The following CSMD1 variants were observed in gnomAD, a reference collection of about 807,000 sequenced individuals.
CSMD1 encodes CUB and sushi domain-containing protein 1.
A neutral mutation model predicts 417.5 loss-of-function variants in CSMD1; 213 were observed. That is an observed-to-expected ratio of 0.51 (90% CI 0.46 to 0.57). The LOEUF (loss-of-function observed/expected upper bound fraction) is 0.57. Among genes scored for constraint, CSMD1 ranks in the 20% least tolerant of loss-of-function variants. The probability of loss-of-function intolerance (pLI) is 0.00; values close to 1 mark genes in which losing one functional copy is unlikely to be tolerated. For missense variants in CSMD1, 6,923 were observed against 4,529.7 expected, an observed-to-expected ratio of 1.53 and a Z score of -15.17; for synonymous variants, 2,862 against 1,736.8, an observed-to-expected ratio of 1.65 and a Z score of -16.11.
chr8:3,556,080 T>G (rs1392250774), intron 10 of CSMD1, among the ~76,000 whole-genome samples: 1 of 152,126 alleles, frequency 6.6e-6, no homozygotes, highest in East Asian at 1.9e-4. Flanking sequence ...TATGTATTAT[T>G]CCATATTCCA....
At chr8:4,034,323 A>G (rs1169250102) in intron 3 of CSMD1, among the ~76,000 whole-genome samples, 1 of 152,222 alleles carries the variant, frequency 6.6e-6, no homozygotes, top group Non-Finnish European at 1.5e-5. Flanking sequence ...CTCTATTTAC[A>G]TAGTCAAAGT....
At chr8:4,780,649 G>C (rs746655380) in intron 1 of CSMD1, among the ~76,000 whole-genome samples, 10 of 152,140 alleles carry the variant, frequency 6.6e-5, no homozygotes, top group Non-Finnish European at 1.2e-4. Flanking sequence ...TGATTTGTGA[G>C]ATCCTGGTGC....
intron 3 of CSMD1, among the ~76,000 whole-genome samples, chr8:4,359,477 G>T (rs1003751441): frequency 6.6e-6 from 1 of 152,102 alleles, no homozygotes; most frequent in South Asian, 2.1e-4. Flanking sequence ...AAACAAGATT[G>T]AATCCTTCCT....
intron 4 of CSMD1, among the ~76,000 whole-genome samples, chr8:4,030,289 G>T (rs1421050554): frequency 6.6e-6 from 1 of 152,164 alleles, no homozygotes; most frequent in African/African-American, 2.4e-5. Context: ...TCTCCATGAG[G>T]ACCGCCACCC....
At chr8:4,219,788 C>G (rs1166977826) in intron 3 of CSMD1, among the ~76,000 whole-genome samples, 1 of 152,072 alleles carries the variant, frequency 6.6e-6, no homozygotes, top group Non-Finnish European at 1.5e-5. Flanking sequence ...ACCAGATAGC[C>G]ATTATGTATT....
Position 3,810,874 on chromosome 8 carries a change from C to T in CSMD1, c.819-56832G>A, listed in dbSNP as rs76151699. 4.3e-3 allele frequency among the ~76,000 whole-genome samples: 655 copies of T among 152,258 alleles called. 2 individuals carry two copies. The highest frequency in any genetic ancestry group is 0.015 in the African/African-American group (610 of 41,572). On this transcript the variant is annotated intron_variant, in intron 5 of 69. Coordinates refer to ENST00000635120, the MANE Select transcript of CSMD1 (RefSeq NM_033225.6). ...CTTTAGGCTCCTGTTCAGCTTTAAA[C>T]GCAGGCATTTTCACCCTGAGATGTT... is the stretch of plus-strand genomic sequence containing the variant.
At chr8:4,313,870 T>G (rs1024811452) in intron 3 of CSMD1, among the ~76,000 whole-genome samples, 5 of 151,942 alleles carry the variant, frequency 3.3e-5, no homozygotes, top group African/African-American at 1.2e-4. Flanking sequence ...AAAAATTAGC[T>G]AGGCATGGTG....
intron 1 of CSMD1, among the ~76,000 whole-genome samples, chr8:4,670,447 G>A (rs1335374180): frequency 1.3e-5 from 2 of 152,176 alleles, no homozygotes; most frequent in African/African-American, 4.8e-5. Context: ...AAACATGTGT[G>A]TCCTGTGAGC....
intron 3 of CSMD1, among the ~76,000 whole-genome samples, chr8:4,129,317 G>C (rs7830969): frequency 0.44 from 66,590 of 151,814 alleles, 14,752 homozygotes; most frequent in African/African-American, 0.45. Context: ...CTCTTTTCAT[G>C]TGGAGCCTGG....
chr8:4,045,355 G>A (rs895157024), intron 3 of CSMD1, among the ~76,000 whole-genome samples: 6 of 152,122 alleles, frequency 3.9e-5, no homozygotes, highest in Non-Finnish European at 5.9e-5. Context: ...ATGAGCAGAC[G>A]AACGGTTTCA....
chr8:3,679,833 G>C (rs544373712), intron 7 of CSMD1, among the ~76,000 whole-genome samples: 5 of 152,236 alleles, frequency 3.3e-5, no homozygotes, highest in Middle Eastern at 3.4e-3. Context: ...ATAACAAACT[G>C]TATCTCAGAC....
Position 3,187,937 on chromosome 8 carries a change from T to C in CSMD1, c.5552A>G (p.Gln1851Arg). The change falls in exon 36 of 70, where the codon CAG becomes CGG. Residue 1851 changes from glutamine to arginine, a missense_variant. Physicochemically the swap from Gln to Arg is conservative, Grantham distance 43. Coordinates refer to ENST00000635120, the MANE Select transcript of CSMD1 (RefSeq NM_033225.6). ...QIQVISFATE[Q>R]NWDSLEIHDG... is the part of the protein sequence containing the mutation. Reference sequence around the variant, plus strand: ...GTGGATCTCAAGGGAGTCCCAGTTCTGCTCCGTGGCAAAACTGATCACTTG... The same window carrying C: ...GTGGATCTCAAGGGAGTCCCAGTTCCGCTCCGTGGCAAAACTGATCACTTG... 6.2e-7 allele frequency: 1 copy of C among 1,613,418 alleles called. No individual in the cohort carries two copies.
At chr8:4,993,400 C>A (rs1563950132) in intron 1 of CSMD1, among the ~76,000 whole-genome samples, 1 of 152,196 alleles carries the variant, frequency 6.6e-6, no homozygotes, top group Non-Finnish European at 1.5e-5. Flanking sequence ...CTGTCTCTCT[C>A]CCTCTTTCTC....
At chr8:3,182,162 T>C (rs1385742254) in intron 36 of CSMD1, among the ~76,000 whole-genome samples, 3 of 152,218 alleles carry the variant, frequency 2.0e-5, no homozygotes, top group African/African-American at 4.8e-5. Context: ...AATAAGTTGA[T>C]AATTATTCCA....
At chr8:3,754,558 G>A (rs930141367) in intron 5 of CSMD1, among the ~76,000 whole-genome samples, 9 of 152,038 alleles carry the variant, frequency 5.9e-5, no homozygotes, top group African/African-American at 1.9e-4. Context: ...GGGTTCAAGC[G>A]ATTCTCCTCC....
At chr8:4,349,894 A>C (rs1800989855) in intron 3 of CSMD1, among the ~76,000 whole-genome samples, 1 of 151,948 alleles carries the variant, frequency 6.6e-6, no homozygotes, top group Non-Finnish European at 1.5e-5. Flanking sequence ...CAGGGAGCCA[A>C]AATATATTAG....
intron 2 of CSMD1, among the ~76,000 whole-genome samples, chr8:4,591,359 T>C (rs1799973248): frequency 6.6e-6 from 1 of 152,146 alleles, no homozygotes; most frequent in Non-Finnish European, 1.5e-5. Context: ...GACAAACTAG[T>C]TGGGCCACCT....
chr8:3,124,124 C>T (rs1164983772), intron 41 of CSMD1, among the ~76,000 whole-genome samples: 1 of 151,750 alleles, frequency 6.6e-6, no homozygotes, highest in African/African-American at 2.4e-5. Context: ...GGCAACAAAA[C>T]AATTATCCTG....
At chr8:4,839,709 T>C (rs1800723077) in intron 1 of CSMD1, among the ~76,000 whole-genome samples, 1 of 152,210 alleles carries the variant, frequency 6.6e-6, no homozygotes, top group South Asian at 2.1e-4. Context: ...CAAAGATAAG[T>C]ACAATTTTGG....
Sources: gnomAD v4.1 joint callset for allele counts (sites outside exome capture counted in the v4.1 genomes callset) on GRCh38, gnomAD v4.1.1 for gene constraint, MANE v1.5 for transcripts, NCBI Gene and HGNC (gene_info 2026-07-23, HGNC 2026-07-21) for gene names.